EDIL3: variants seen among roughly 807,000 people sequenced by gnomAD.
EDIL3 encodes the protein EGF-like repeat and discoidin I-like domain-containing protein 3.
A neutral mutation model predicts 67.4 loss-of-function variants in EDIL3; 37 were observed. That is an observed-to-expected ratio of 0.55 (90% CI 0.42 to 0.72). EDIL3 has a LOEUF of 0.72. EDIL3 is among the 30% of genes least tolerant of loss of function. The pLI, the probability that EDIL3 is intolerant of heterozygous loss-of-function variation, is 0.00. For synonymous variants in EDIL3, 195 were observed against 196.3 expected (o/e 0.99, Z 0.05); for missense variants, 527 against 586.3 (o/e 0.90, Z 1.04).
At chr5:84,257,407 A>G (rs1195708790) in intron 1 of EDIL3, among the ~76,000 whole-genome samples, 1 of 152,082 alleles carries the variant, frequency 6.6e-6, no homozygotes, top group East Asian at 1.9e-4. Flanking sequence ...TTTTTTGCTT[A>G]TGGAAACACA....
At chr5:84,170,606 A>G (rs6867944) in intron 4 of EDIL3, among the ~76,000 whole-genome samples, 4,772 of 152,088 alleles carry the variant, frequency 0.031, 234 homozygotes, top group African/African-American at 0.1. Flanking sequence ...ATCCTACCTA[A>G]GCAACTTACT....
At chr5:84,053,296 C>G (rs1746376510) in intron 9 of EDIL3, among the ~76,000 whole-genome samples, 1 of 152,158 alleles carries the variant, frequency 6.6e-6, no homozygotes, top group Non-Finnish European at 1.5e-5. Flanking sequence ...ATCTCTGGGA[C>G]ACATTCAAAG....
chr5:83,955,759 A>C (rs1744504171), intron 10 of EDIL3, among the ~76,000 whole-genome samples: 1 of 151,754 alleles, frequency 6.6e-6, no homozygotes, highest in Non-Finnish European at 1.5e-5. Flanking sequence ...TGTTTCTACC[A>C]CCTAATTGTT....
chr5:84,211,682 A>C (rs1482124864), intron 3 of EDIL3, among the ~76,000 whole-genome samples: 2 of 152,208 alleles, frequency 1.3e-5, no homozygotes, highest in African/African-American at 4.8e-5. Flanking sequence ...AGCCAACACA[A>C]ACTGAAAGAG....
chr5:84,251,409 C>T (rs1470957816), intron 2 of EDIL3, among the ~76,000 whole-genome samples: 1 of 151,502 alleles, frequency 6.6e-6, no homozygotes, highest in Admixed American at 6.6e-5. Flanking sequence ...GCCACCACGC[C>T]CGGCCTTTTT....
intron 1 of EDIL3, among the ~76,000 whole-genome samples, chr5:84,298,227 AC>A (rs200645619): frequency 0.011 from 1,657 of 152,270 alleles, 21 homozygotes; most frequent in Middle Eastern, 0.044. Context: ...CATGGAATCA[AC>A]CCAAATGCCC....
chr5:83,976,319 T>C (rs1405257612), intron 9 of EDIL3, among the ~76,000 whole-genome samples: 1 of 151,882 alleles, frequency 6.6e-6, no homozygotes, highest in Non-Finnish European at 1.5e-5. Context: ...CTGTCAAGAC[T>C]AATTCTGAAA....
intron 1 of EDIL3, among the ~76,000 whole-genome samples, chr5:84,291,764 ATATC>A (rs1307516779): frequency 6.8e-6 from 1 of 147,324 alleles, no homozygotes; most frequent in African/African-American, 2.5e-5. Context: ...ATATATCTAT[ATATC>A]TATATATCAT....
chr5:84,251,516 G>A (rs1387030492), intron 2 of EDIL3, among the ~76,000 whole-genome samples: 2 of 151,618 alleles, frequency 1.3e-5, no homozygotes, highest in African/African-American at 2.4e-5. Flanking sequence ...AAAGACCCAA[G>A]GTAAGCTAGA....
chr5:84,177,028 A>G (rs1430222667), intron 4 of EDIL3, among the ~76,000 whole-genome samples: 1 of 152,120 alleles, frequency 6.6e-6, no homozygotes, highest in African/African-American at 2.4e-5. Flanking sequence ...GACCTTTTGA[A>G]GCTTCTTTTA....
At chr5:84,137,167 ATG>A (rs967869465) in intron 5 of EDIL3, 72 bp downstream of exon 5, 74 of 1,001,810 alleles carry the variant, frequency 7.4e-5, no homozygotes, top group Non-Finnish European at 9.8e-5. Context: ...GCATACATAT[ATG>A]TGTGTGTGTA....
At chr5:84,006,177 G>A (rs1486433329) in intron 9 of EDIL3, among the ~76,000 whole-genome samples, 1 of 151,624 alleles carries the variant, frequency 6.6e-6, no homozygotes, top group Admixed American at 6.6e-5. Flanking sequence ...ACTATTGAAG[G>A]AAGTCAGACA....
rs957670631 is a variant in EDIL3, at chr5:84,177,677, A to G, written c.355+2716T>C. ...AGAAATTATGTAGGAGGAGGGATAT[A>G]TGGGACTCTGTACTTTCTGCTTGAT... On this transcript the variant is annotated intron_variant, in intron 4 of 10. Transcript: ENST00000296591. 2.0e-5 allele frequency among the ~76,000 whole-genome samples: 3 copies of G among 152,136 alleles called. No individual in the cohort carries two copies. In the South Asian group the frequency reaches 6.2e-4, roughly 31 times the overall value.
intron 4 of EDIL3, among the ~76,000 whole-genome samples, chr5:84,152,471 G>GAGGA (rs769282605): frequency 6.6e-6 from 1 of 152,166 alleles, no homozygotes; most frequent in Non-Finnish European, 1.5e-5. Context: ...TTCTGTCAGA[G>GAGGA]AGGAATGGGT....
At chr5:83,998,661 C>T (rs1019576505) in intron 9 of EDIL3, among the ~76,000 whole-genome samples, 13 of 152,194 alleles carry the variant, frequency 8.5e-5, no homozygotes, top group Admixed American at 8.5e-4. Flanking sequence ...GGCCCTAGTT[C>T]CCAAATGGCA....
At chr5:84,150,505 T>C (rs1176272519) in intron 4 of EDIL3, among the ~76,000 whole-genome samples, 2 of 152,118 alleles carry the variant, frequency 1.3e-5, no homozygotes, top group Non-Finnish European at 2.9e-5. Flanking sequence ...TAAAAGAATA[T>C]ACATAAGAGT....
Position 83,956,076 on chromosome 5 carries a change from C to T in EDIL3, c.1293+7129G>A, listed in dbSNP as rs150878653. On this transcript the variant is annotated intron_variant, in intron 10 of 10. Coordinates refer to ENST00000296591, the MANE Select transcript of EDIL3 (RefSeq NM_005711.5). ...GGTTGTTCCTGTGGCTAATGAGTCA[C>T]TCTGGTTTGTCTTTCATTTCCAGCA... 4.6e-5 allele frequency among the ~76,000 whole-genome samples: 7 copies of T among 151,890 alleles called. No homozygotes were observed. The East Asian group carries it at 1.4e-3, about 30-fold the overall frequency.
intron 4 of EDIL3, among the ~76,000 whole-genome samples, chr5:84,164,450 C>T (rs997948956): frequency 7.2e-5 from 11 of 151,930 alleles, no homozygotes; most frequent in African/African-American, 2.7e-4. Flanking sequence ...GTACAGCTAC[C>T]ATGTGACAGG....
intron 5 of EDIL3, among the ~76,000 whole-genome samples, chr5:84,131,847 C>G (rs1019533589): frequency 7.2e-5 from 11 of 152,038 alleles, no homozygotes; most frequent in African/African-American, 2.7e-4. Context: ...CAAATCTCAT[C>G]ATGTATTTAT....
Sources: gnomAD v4.1 joint callset for allele counts (sites outside exome capture counted in the v4.1 genomes callset) on GRCh38, gnomAD v4.1.1 for gene constraint, MANE v1.5 for transcripts, NCBI Gene and HGNC (gene_info 2026-07-23, HGNC 2026-07-21) for gene names.